The following CACNG2 variants were observed in gnomAD, a reference collection of about 807,000 sequenced individuals.
CACNG2 encodes voltage-dependent calcium channel gamma-2 subunit.
In CACNG2, 3 loss-of-function variants were observed where a neutral mutation model predicts 25.9. That is an observed-to-expected ratio of 0.12 (90% CI 0.05 to 0.30). The LOEUF is 0.30. Among genes scored for constraint, CACNG2 ranks in the 10% least tolerant of loss-of-function variants. The pLI is 1.00. For synonymous variants in CACNG2, 167 were observed against 173.3 expected, an observed-to-expected ratio of 0.96 and a Z score of 0.29; for missense variants, 341 against 432.5, an observed-to-expected ratio of 0.79 and a Z score of 1.88.
chr22:36,577,132 C>T (rs765421503), intron 2 of CACNG2, among the ~76,000 whole-genome samples: 1 of 152,168 alleles, frequency 6.6e-6, no homozygotes, highest in Non-Finnish European at 1.5e-5. Context: ...GCACACTTAG[C>T]TCACAGGGTG....
intron 2 of CACNG2, among the ~76,000 whole-genome samples, chr22:36,581,426 G>A (rs1935417025): frequency 6.6e-6 from 1 of 152,174 alleles, no homozygotes; most frequent in Non-Finnish European, 1.5e-5. Flanking sequence ...CCTCCAAGAG[G>A]CTGGACAACA....
At chr22:36,641,154 C>T (rs1437608641) in intron 1 of CACNG2, among the ~76,000 whole-genome samples, 3 of 152,210 alleles carry the variant, frequency 2.0e-5, no homozygotes, top group Admixed American at 6.5e-5. Context: ...TCTCTGTCCC[C>T]TTGCCCTGCT....
At chr22:36,643,021 T>TTCCC (rs771035395) in intron 1 of CACNG2, among the ~76,000 whole-genome samples, 10 of 146,416 alleles carry the variant, frequency 6.8e-5, no homozygotes, top group Admixed American at 1.4e-4. Context: ...CCCTCCCTTC[T>TTCCC]TCCCTCCCTC....
intron 1 of CACNG2, among the ~76,000 whole-genome samples, chr22:36,600,421 T>C (rs181686439): frequency 1.6e-3 from 220 of 138,256 alleles, no homozygotes; most frequent in African/African-American, 4.1e-3. Flanking sequence ...GTCCTGTCTT[T>C]TTAATTTTAG....
chr22:36,623,514 G>C (rs1936139315), intron 1 of CACNG2, among the ~76,000 whole-genome samples: 1 of 152,146 alleles, frequency 6.6e-6, no homozygotes, highest in Non-Finnish European at 1.5e-5. Flanking sequence ...CTGGAAAATG[G>C]GGTAACAGGA....
chr22:36,682,771 T>C (rs1937142268), intron 1 of CACNG2, among the ~76,000 whole-genome samples: 1 of 152,150 alleles, frequency 6.6e-6, no homozygotes, highest in Admixed American at 6.5e-5. Context: ...GCTGCCCTGG[T>C]TTATTACTGA....
intron 1 of CACNG2, among the ~76,000 whole-genome samples, chr22:36,665,007 GC>G (rs1936855366): frequency 6.6e-6 from 1 of 152,152 alleles, no homozygotes; most frequent in African/African-American, 2.4e-5. Context: ...GAGTGGGAGG[GC>G]CTGCTAGAAG....
intron 1 of CACNG2, among the ~76,000 whole-genome samples, chr22:36,663,791 G>A (rs963037823): frequency 3.9e-5 from 6 of 152,180 alleles, no homozygotes; most frequent in African/African-American, 1.4e-4. Context: ...GAACAAGGCA[G>A]CCCTAACCCA....
chr22:36,677,434 G>A (rs1223648272), intron 1 of CACNG2, among the ~76,000 whole-genome samples: 1 of 152,186 alleles, frequency 6.6e-6, no homozygotes, highest in Non-Finnish European at 1.5e-5. Flanking sequence ...CCCCACCACT[G>A]CACTGCCTGG....
chr22:36,689,348 A>G (rs1473200457), intron 1 of CACNG2, among the ~76,000 whole-genome samples: 2 of 152,224 alleles, frequency 1.3e-5, no homozygotes, highest in Non-Finnish European at 2.9e-5. Context: ...TTCCAATTAG[A>G]AATAATACAT....
chr22:36,635,666 C>G (rs1305350833), intron 1 of CACNG2, among the ~76,000 whole-genome samples: 1 of 152,120 alleles, frequency 6.6e-6, no homozygotes, highest in Non-Finnish European at 1.5e-5. Flanking sequence ...AAACTCCCTA[C>G]AGGGAGTTTC....
At chr22:36,637,203 G>C (rs1936370057) in intron 1 of CACNG2, among the ~76,000 whole-genome samples, 1 of 152,114 alleles carries the variant, frequency 6.6e-6, no homozygotes, top group African/African-American at 2.4e-5. Flanking sequence ...CTGTCAGGTG[G>C]TGAAAAGCTC....
chr22:36,572,268 C>G (rs1485889254), intron 2 of CACNG2, among the ~76,000 whole-genome samples: 5 of 152,170 alleles, frequency 3.3e-5, no homozygotes, highest in Admixed American at 3.3e-4. Flanking sequence ...GGAGATTACA[C>G]ACGCCTAAAG....
Position 36,564,758 on chromosome 22 carries a change from T to C in CACNG2, c.565A>G (p.Ile189Val). 1 of 1,614,198 alleles carries C rather than the reference T, an allele frequency of 6.2e-7. No individual in the cohort carries two copies. The highest frequency in any genetic ancestry group is 8.5e-7 in the Non-Finnish European group (1 of 1,180,026). The change falls in exon 4 of 4, where the codon ATC (isoleucine) becomes GTC (valine). Residue 189 changes from isoleucine to valine, a missense_variant. By Grantham distance (29) the Ile-to-Val change is conservative. Around this residue, in one of 2 missense-constraint regions of CACNG2, gnomAD observed 169 missense variants for 254.4 expected, o/e 0.66. Coordinates refer to ENST00000300105, the MANE Select transcript of CACNG2 (RefSeq NM_006078.5). The surrounding 1 kb of genome is among the most constrained non-coding windows in gnomAD (Gnocchi z 6.7). ...GCCAGCACCCCGACCATCTCGGCGA[T>C]GATGAAGGACAGGGCCCCGAAGTAG... ...SFYFGALSFI[I>V]AEMVGVLAVH...
chr22:36,597,958 G>A (rs933820636), intron 1 of CACNG2, among the ~76,000 whole-genome samples: 1 of 152,168 alleles, frequency 6.6e-6, no homozygotes, highest in Non-Finnish European at 1.5e-5. Context: ...AGCTCCTCAA[G>A]GGCAGAATTT....
chr22:36,613,189 T>TGC (rs1935972698), intron 1 of CACNG2, among the ~76,000 whole-genome samples: 1 of 151,908 alleles, frequency 6.6e-6, no homozygotes, highest in East Asian at 1.9e-4. Flanking sequence ...TGTGTGTGTG[T>TGC]GCATGTGTGT....
At chr22:36,586,940 G>A (rs1935514461) in intron 2 of CACNG2, among the ~76,000 whole-genome samples, 1 of 39,180 alleles carries the variant, frequency 2.6e-5, no homozygotes, top group Admixed American at 2.9e-4. Flanking sequence ...ACTTGCGGGG[G>A]AAGAAAAAAT....
At chr22:36,584,764 TA>T (rs1935472684) in intron 2 of CACNG2, 1 of 152,248 alleles carries the variant, frequency 6.6e-6, no homozygotes, top group Non-Finnish European at 1.5e-5. Flanking sequence ...GCATGCAGCA[TA>T]AACATTAGGT....
intron 1 of CACNG2, among the ~76,000 whole-genome samples, chr22:36,690,146 G>A (rs1937250049): frequency 6.6e-6 from 1 of 152,258 alleles, no homozygotes; most frequent in African/African-American, 2.4e-5. Flanking sequence ...CATAGGCGTA[G>A]AGGAGGATTT....
Sources: allele counts gnomAD v4.1 joint callset (sites outside exome capture counted in the v4.1 genomes callset), GRCh38; gene constraint gnomAD v4.1.1; regional missense constraint gnomAD v4.1.1; non-coding constraint Gnocchi (gnomAD v3.1); transcripts MANE v1.5; gene names NCBI Gene and HGNC (gene_info 2026-07-23, HGNC 2026-07-21).